The following GABRA3 variants were observed in gnomAD, a reference collection of about 807,000 sequenced individuals.
GABRA3 encodes the protein gamma-aminobutyric acid type A receptor subunit alpha3.
Under a neutral mutation model 30.1 loss-of-function variants are expected in GABRA3, and 10 were observed. The observed-to-expected ratio is 0.33, with a 90% CI of 0.20 to 0.56. The LOEUF (loss-of-function observed/expected upper bound fraction) is 0.56. Ranked by LOEUF, GABRA3 falls within the 20% of genes least tolerant of loss-of-function variation. The pLI, the probability that GABRA3 is intolerant of heterozygous loss-of-function variation, is 0.89. For missense variants in GABRA3, 233 were observed against 392.0 expected, an observed-to-expected ratio of 0.59 and a Z score of 3.42; for synonymous variants, 151 against 146.8, an observed-to-expected ratio of 1.03 and a Z score of -0.21.
At chrX:152,185,373 ATTCT>A (rs887440315) in intron 9 of GABRA3, among the ~76,000 whole-genome samples, 6 of 111,522 alleles carry the variant, frequency 5.4e-5, no homozygotes, top group Non-Finnish European at 7.5e-5. Context: ...GTTTTATAAT[ATTCT>A]TTTTGTTCTC....
At chrX:152,369,781 G>A (rs1236797621) in intron 1 of GABRA3, among the ~76,000 whole-genome samples, 1 of 110,146 alleles carries the variant, frequency 9.1e-6, no homozygotes, top group African/African-American at 3.4e-5. Flanking sequence ...AAGCTCAATG[G>A]GGATGAGGAT....
At position 152,331,497 on chromosome X, in the gene GABRA3, C is replaced by A. The variant is rs749024324; in HGVS notation, c.262+14084G>T. Among the ~76,000 whole-genome samples the A allele has an allele frequency of 1.8e-4, 20 of 111,737 alleles. 1 individual carries two copies. In the South Asian group the frequency reaches 6.7e-3, roughly 37 times the overall value. ...AAGTGTTCTGCGATGCAGAGTAATT[C>A]AGTAATGAGTTGAAATTCCATGAAG... On this transcript the variant is annotated intron_variant, in intron 3 of 9. Coordinates refer to ENST00000370314, the MANE Select transcript of GABRA3 (RefSeq NM_000808.4).
intron 1 of GABRA3, among the ~76,000 whole-genome samples, chrX:152,436,761 T>A (rs1930787037): frequency 9.0e-6 from 1 of 110,798 alleles, no homozygotes; most frequent in Non-Finnish European, 1.9e-5. Flanking sequence ...AAGACATAAA[T>A]CAAAGAACAG....
intron 9 of GABRA3, among the ~76,000 whole-genome samples, chrX:152,187,939 G>C (rs1324385716): frequency 8.9e-6 from 1 of 111,746 alleles, no homozygotes; most frequent in Non-Finnish European, 1.9e-5. Flanking sequence ...TGTGACCCAT[G>C]GATTGTACAA....
At chrX:152,235,196 C>T (rs73621173) in intron 5 of GABRA3, among the ~76,000 whole-genome samples, 5,202 of 111,427 alleles carry the variant, frequency 0.047, 307 homozygotes, top group African/African-American at 0.16. Flanking sequence ...CTTGGTTAAA[C>T]GTATTCCTAC....
intron 1 of GABRA3, among the ~76,000 whole-genome samples, chrX:152,374,337 C>CTTTTTTTTTT (rs55927249): frequency 2.4e-5 from 1 of 41,673 alleles, no homozygotes; most frequent in Non-Finnish European, 4.2e-5. Context: ...CTTTTCTTTT[C>CTTTTTTTTTT]TTTTTTTTTT....
rs1209579767 is a variant in GABRA3 at position 152,215,052 on chromosome X, ATAT to A, written c.635-6911_635-6909del. ...TGTGTGTATGGATATATATATATATATATTTTTTTATATGATTATGTCATCTGC... is the reference window on the plus strand; with the variant it reads ...TGTGTGTATGGATATATATATATATATTTTTTATATGATTATGTCATCTGC... On this transcript the variant is annotated intron_variant, in intron 6 of 9. Transcript: ENST00000370314. Among the ~76,000 whole-genome samples, 379 of 102,772 alleles carry A rather than the reference ATAT, an allele frequency of 3.7e-3. 2 individuals carry two copies. The highest frequency in any genetic ancestry group is 0.013 in the African/African-American group (347 of 26,128). The allele number at this position is 102,772 out of a possible 115,157, so 89.2% of individuals were successfully genotyped here.
intron 9 of GABRA3, among the ~76,000 whole-genome samples, chrX:152,182,614 CATATATAGTAT>C (rs1937180359): frequency 6.8e-4 from 1 of 1,467 alleles, no homozygotes; most frequent in Non-Finnish European, 1.4e-3. Context: ...ACTATATATG[CATATATAGTAT>C]ATATACACTA....
intron 1 of GABRA3, among the ~76,000 whole-genome samples, chrX:152,426,438 C>T (rs938082167): frequency 1.8e-5 from 2 of 111,838 alleles, no homozygotes; most frequent in Non-Finnish European, 3.8e-5. Flanking sequence ...GCTTAGTTTG[C>T]TATGTATTCA....
intron 4 of GABRA3, 55 bp from the exon 5 acceptor site, chrX:152,256,053 T>G (rs910383401): frequency 1.2e-6 from 1 of 863,953 alleles, no homozygotes; most frequent in Admixed American, 2.3e-5. Context: ...TAAGGGCTCA[T>G]AGTGCCCTTA....
chrX:152,362,577 A>C (rs1928539403), intron 2 of GABRA3, among the ~76,000 whole-genome samples: 1 of 111,901 alleles, frequency 8.9e-6, no homozygotes, highest in African/African-American at 3.3e-5. Context: ...TACAGAAAAA[A>C]ATAGTTACAG....
intron 7 of GABRA3, among the ~76,000 whole-genome samples, chrX:152,204,137 TG>T (rs1349187724): frequency 1.8e-5 from 2 of 111,088 alleles, no homozygotes; most frequent in African/African-American, 6.5e-5. Context: ...GTAGGGGCAA[TG>T]GAAGTGAGAT....
intron 1 of GABRA3, among the ~76,000 whole-genome samples, chrX:152,420,671 T>C (rs1296257636): frequency 9.0e-6 from 1 of 111,441 alleles, no homozygotes; most frequent in African/African-American, 3.3e-5. Flanking sequence ...GGCAATCCGA[T>C]TCTAAAATTT....
intron 3 of GABRA3, among the ~76,000 whole-genome samples, chrX:152,315,050 T>G: frequency 9.0e-6 from 1 of 111,360 alleles, no homozygotes; most frequent in Non-Finnish European, 1.9e-5. Flanking sequence ...ATGTGGAGAC[T>G]CGCACCATGA....
At chrX:152,410,501 A>G (rs1042493653) in intron 1 of GABRA3, among the ~76,000 whole-genome samples, 4 of 111,703 alleles carry the variant, frequency 3.6e-5, no homozygotes, top group Non-Finnish European at 5.6e-5. Context: ...TATAACTATC[A>G]TGTATCCATA....
In GABRA3 at chrX:152,255,822, C is replaced by T; in HGVS notation, c.507G>A (p.Lys169=). The T allele has an allele frequency of 8.3e-7, 1 of 1,211,296 alleles. No homozygotes were observed. Among genetic ancestry groups the T allele is most frequent in the African/African-American group, 1.7e-5 (1 of 57,735 alleles). Residue 169 remains lysine (K), a synonymous_variant, in exon 5 of 10, where the codon AAG becomes AAA. Coordinates refer to ENST00000370314, the MANE Select transcript of GABRA3 (RefSeq NM_000808.4). ...SVAHNMTTPN[K]LLRLVDNGTL... is the part of the protein sequence containing the mutation. ...TTCCGTTGTCCACCAATCTGAGCAGCTTGTTGGGCGTGGTCATGTTATGAG... is the reference window on the plus strand; with the variant it reads ...TTCCGTTGTCCACCAATCTGAGCAGTTTGTTGGGCGTGGTCATGTTATGAG...
intron 1 of GABRA3, among the ~76,000 whole-genome samples, chrX:152,439,055 G>A (rs1196583233): frequency 9.0e-6 from 1 of 110,687 alleles, no homozygotes; most frequent in Non-Finnish European, 1.9e-5. Flanking sequence ...AGGGAAACTG[G>A]GGTGGGGGAT....
At chrX:152,191,604 A>C (rs557259675) in intron 8 of GABRA3, among the ~76,000 whole-genome samples, 2 of 108,212 alleles carry the variant, frequency 1.8e-5, no homozygotes, top group South Asian at 8.3e-4. Context: ...AAGAGGCTAT[A>C]TGCGAAATCA....
At chrX:152,369,624 T>C (rs1386877581) in intron 1 of GABRA3, among the ~76,000 whole-genome samples, 1 of 111,373 alleles carries the variant, frequency 9.0e-6, no homozygotes, top group Non-Finnish European at 1.9e-5. Flanking sequence ...TATTAAAATA[T>C]CATCTTTTCA....
Sources: gnomAD v4.1 joint callset for allele counts (sites outside exome capture counted in the v4.1 genomes callset) on GRCh38, gnomAD v4.1.1 for gene constraint, MANE v1.5 for transcripts, NCBI Gene and HGNC (gene_info 2026-07-23, HGNC 2026-07-21) for gene names.